The following HTR4 variants were observed in gnomAD, a reference collection of about 807,000 sequenced individuals.
HTR4 encodes the protein 5-hydroxytryptamine receptor 4.
Under a neutral mutation model 36.8 loss-of-function variants are expected in HTR4, and 16 were observed. The observed-to-expected ratio is 0.43, with a 90% confidence interval of 0.29 to 0.66. The LOEUF (loss-of-function observed/expected upper bound fraction) is 0.66, where lower values mean the gene tolerates loss of function less well. Among genes scored for constraint, HTR4 ranks in the 30% least tolerant of loss-of-function variants. HTR4 has a pLI of 0.13. For missense variants in HTR4, 438 were observed against 490.9 expected (o/e 0.89, Z 1.02); for synonymous variants, 189 against 185.1 (o/e 1.02, Z -0.17).
chr5:148,486,057 C>T (rs1158544520), intron 6 of HTR4, among the ~76,000 whole-genome samples: 1 of 152,154 alleles, frequency 6.6e-6, no homozygotes, highest in East Asian at 1.9e-4. Flanking sequence ...CAGGTTACAT[C>T]AATATAGCTC....
intron 2 of HTR4, among the ~76,000 whole-genome samples, chr5:148,562,287 G>A (rs1760249967): frequency 6.6e-6 from 1 of 152,088 alleles, no homozygotes. Flanking sequence ...AAAGTGTCAT[G>A]ACCCCTGCTC....
At chr5:148,565,879 T>G (rs1428152393) in intron 2 of HTR4, among the ~76,000 whole-genome samples, 2 of 152,202 alleles carry the variant, frequency 1.3e-5, no homozygotes, top group Non-Finnish European at 2.9e-5. Flanking sequence ...AGGAGGCTCA[T>G]TTGGAAAAGC....
intron 1 of HTR4, among the ~76,000 whole-genome samples, chr5:148,650,338 C>A (rs140316011): frequency 6.6e-6 from 1 of 152,154 alleles, no homozygotes; most frequent in Non-Finnish European, 1.5e-5. Context: ...CCTTCTCAGA[C>A]GTGCCTTAGA....
At chr5:148,477,929 C>T (rs954764124), downstream of HTR4, among the ~76,000 whole-genome samples, 3 of 152,198 alleles carry the variant, frequency 2.0e-5, no homozygotes, top group Non-Finnish European at 4.4e-5. Flanking sequence ...CCTCCTCCAT[C>T]TAACCTTCCC....
intron 6 of HTR4, among the ~76,000 whole-genome samples, chr5:148,498,693 A>C (rs949338668): frequency 9.9e-5 from 15 of 152,196 alleles, no homozygotes; most frequent in Non-Finnish European, 1.6e-4. Context: ...ACAAATGCCC[A>C]AGTTGAAGAA....
At chr5:148,535,940 A>G (rs1297695744) in intron 4 of HTR4, among the ~76,000 whole-genome samples, 2 of 152,168 alleles carry the variant, frequency 1.3e-5, no homozygotes, top group Non-Finnish European at 2.9e-5. Context: ...ATCATCAGAT[A>G]TTTTAAGATA....
chr5:148,456,714 C>A (rs762360349), intron 5 of HTR4, among the ~76,000 whole-genome samples: 1 of 152,172 alleles, frequency 6.6e-6, no homozygotes, highest in Non-Finnish European at 1.5e-5. Flanking sequence ...TAAATAAATC[C>A]GGAATCATTA....
intron 1 of HTR4, among the ~76,000 whole-genome samples, chr5:148,643,575 T>C (rs1753789573): frequency 6.6e-6 from 1 of 152,212 alleles, no homozygotes; most frequent in African/African-American, 2.4e-5. Context: ...ATCACTTGAT[T>C]AACATTTCAC....
At position 148,483,146 on chromosome 5, in the gene HTR4, T is replaced by C. The variant is rs886529948; in HGVS notation, c.*57A>G. On this transcript the variant is annotated 3_prime_UTR_variant, in exon 7 of 7. Transcript: ENST00000377888. ...GTGCAGTCGCGCACAAGCAGCAGCT[T>C]AGGACCTGGCCCTCTTTCGGAGGCA... is the stretch of plus-strand genomic sequence containing the variant. The C allele has an allele frequency of 2.5e-6, 4 of 1,612,942 alleles. No individual in the cohort carries two copies. Among genetic ancestry groups the C allele is most frequent in the Non-Finnish European group, 3.4e-6 (4 of 1,179,418 alleles).
intron 4 of HTR4, among the ~76,000 whole-genome samples, chr5:148,537,313 T>C (rs1364154499): frequency 6.6e-6 from 1 of 151,714 alleles, no homozygotes; most frequent in Non-Finnish European, 1.5e-5. Context: ...CAACCTGACA[T>C]CACAACTGAA....
intron 6 of HTR4, among the ~76,000 whole-genome samples, chr5:148,503,319 G>A (rs147684356): frequency 1.3e-5 from 2 of 152,222 alleles, no homozygotes. Context: ...CAAGCCAGAA[G>A]AGGGTGGGGG....
chr5:148,515,385 C>T (rs1368384), intron 5 of HTR4, among the ~76,000 whole-genome samples: 126,492 of 152,104 alleles, frequency 0.83, 53,345 homozygotes, highest in East Asian at 1. Context: ...TAATAGTCAA[C>T]GTTCTCTTAC....
At chr5:148,593,127 T>C (rs145209454) in intron 2 of HTR4, among the ~76,000 whole-genome samples, 258 of 152,322 alleles carry the variant, frequency 1.7e-3, no homozygotes, top group African/African-American at 5.9e-3. Flanking sequence ...GTCCTCTGAT[T>C]CTGACTCAAA....
At chr5:148,518,170 A>C (rs528901973) in intron 5 of HTR4, among the ~76,000 whole-genome samples, 11 of 152,246 alleles carry the variant, frequency 7.2e-5, no homozygotes, top group Admixed American at 6.5e-4. Context: ...ACAATCTGCT[A>C]TCCGGTTCAC....
At chr5:148,507,138 T>C (rs149304221) in intron 6 of HTR4, among the ~76,000 whole-genome samples, 8,040 of 151,830 alleles carry the variant, frequency 0.053, 668 homozygotes, top group African/African-American at 0.18. Context: ...TGTCCATCAA[T>C]GATAGACAGG....
chr5:148,463,165 CTT>C (rs71001490), intron 5 of HTR4, among the ~76,000 whole-genome samples: 2 of 64,138 alleles, frequency 3.1e-5, no homozygotes, highest in Non-Finnish European at 5.5e-5. Context: ...CTTTTTTTTT[CTT>C]TTTTTTTTTT....
At chr5:148,549,247 C>T (rs1213706642) in intron 3 of HTR4, among the ~76,000 whole-genome samples, 3 of 152,192 alleles carry the variant, frequency 2.0e-5, no homozygotes, top group African/African-American at 4.8e-5. Context: ...ATCCCACCCA[C>T]CCGTCAGTCC....
chr5:148,488,994 T>C (rs528435594), intron 6 of HTR4, among the ~76,000 whole-genome samples: 1 of 152,122 alleles, frequency 6.6e-6, no homozygotes, highest in East Asian at 1.9e-4. Flanking sequence ...ATGACTTTTT[T>C]CCATTGTTTA....
At chr5:148,647,640 G>A (rs1335371980) in intron 1 of HTR4, among the ~76,000 whole-genome samples, 5 of 152,186 alleles carry the variant, frequency 3.3e-5, no homozygotes, top group African/African-American at 9.6e-5. Flanking sequence ...CCTGAGCTCG[G>A]GAGTTCGAGA....
Sources: gnomAD v4.1 joint callset for allele counts (sites outside exome capture counted in the v4.1 genomes callset) on GRCh38, gnomAD v4.1.1 for gene constraint, MANE v1.5 for transcripts, NCBI Gene and HGNC (gene_info 2026-07-23, HGNC 2026-07-21) for gene names.